The following EHBP1 variants were observed in gnomAD, a reference collection of about 807,000 sequenced individuals.
EHBP1 encodes the protein EH domain-binding protein 1.
EHBP1 carries 55 observed loss-of-function variants against 144.0 expected under a neutral mutation model. The ratio of observed to expected loss-of-function variants is 0.38; its 90% CI spans 0.31 to 0.48. The LOEUF (loss-of-function observed/expected upper bound fraction) is 0.48. EHBP1 is among the 20% of genes least tolerant of loss of function. EHBP1 has a pLI of 0.98. For missense variants in EHBP1, 1,200 were observed against 1,364.2 expected, an observed-to-expected ratio of 0.88 and a Z score of 1.90; for synonymous variants, 469 against 472.7, an observed-to-expected ratio of 0.99 and a Z score of 0.10.
At chr2:62,992,124 A>G (rs926688683) in intron 16 of EHBP1, among the ~76,000 whole-genome samples, 2 of 152,174 alleles carry the variant, frequency 1.3e-5, no homozygotes, top group East Asian at 3.8e-4. Context: ...GTTTCTTAAG[A>G]TGGGATTTGC....
chr2:62,677,040 G>A lies in EHBP1; in HGVS notation c.-296+2957G>A, dbSNP rs768894630. ...TAGCTGGGCATGGTGGCACATTCTCGCAGTCCCAGATACTCGCAGTGGTCG... is the reference window on the plus strand; with the variant it reads ...TAGCTGGGCATGGTGGCACATTCTCACAGTCCCAGATACTCGCAGTGGTCG... On this transcript the variant is annotated intron_variant, in intron 1 of 22. Transcript: ENST00000405015. Among the ~76,000 whole-genome samples the A allele has an allele frequency of 9.9e-5, 15 of 152,190 alleles. 1 individual carries two copies. The highest frequency in any genetic ancestry group is 8.3e-4 in the South Asian group (4 of 4,826).
At chr2:62,824,466 A>G (rs994643810) in intron 5 of EHBP1, among the ~76,000 whole-genome samples, 2 of 151,996 alleles carry the variant, frequency 1.3e-5, no homozygotes, top group African/African-American at 4.8e-5. Flanking sequence ...CATTTTGCTC[A>G]TTGTCAGAAC....
intron 7 of EHBP1, 49 bp from the exon 8 acceptor site, chr2:62,859,120 T>C (rs1558805654): frequency 6.5e-7 from 1 of 1,534,482 alleles, no homozygotes; most frequent in Admixed American, 1.9e-5. Context: ...GAATGTTCAA[T>C]ACTTACACTT....
At chr2:62,796,456 C>A (rs1025172118) in intron 5 of EHBP1, among the ~76,000 whole-genome samples, 46 of 152,160 alleles carry the variant, frequency 3.0e-4, no homozygotes, top group African/African-American at 9.9e-4. Flanking sequence ...TAAGAGCTGA[C>A]TAGTAATGTT....
At chr2:62,890,229 C>A (rs1462698903) in intron 10 of EHBP1, among the ~76,000 whole-genome samples, 1 of 152,052 alleles carries the variant, frequency 6.6e-6, no homozygotes, top group Non-Finnish European at 1.5e-5. Flanking sequence ...AGCCACCACG[C>A]CTAGCCCCAT....
At chr2:62,862,866 G>A (rs181584966) in intron 8 of EHBP1, among the ~76,000 whole-genome samples, 14 of 152,008 alleles carry the variant, frequency 9.2e-5, no homozygotes, top group African/African-American at 3.1e-4. Context: ...GCAAATCTTA[G>A]ACAGTTTTAT....
intron 5 of EHBP1, among the ~76,000 whole-genome samples, chr2:62,825,561 A>G (rs147761341): frequency 3.1e-3 from 476 of 152,070 alleles, no homozygotes; most frequent in Non-Finnish European, 5.8e-3. Flanking sequence ...GGCCTGGGGA[A>G]GAAATAAGAC....
chr2:62,673,914 CGA>C (rs1008004924), exon 1 of EHBP1: 29 of 408,706 alleles, frequency 7.1e-5, no homozygotes, highest in Admixed American at 5.7e-4. Flanking sequence ...GAGACTCCAG[CGA>C]GAGACTGGGG....
intron 4 of EHBP1, 52 bp downstream of exon 4, chr2:62,764,413 A>C (rs775568114): frequency 3.0e-6 from 4 of 1,343,732 alleles, no homozygotes; most frequent in Non-Finnish European, 4.0e-6. Context: ...CAGGGTACCA[A>C]ATGACAGAAT....
At chr2:62,773,850 CA>C (rs570715468) in intron 5 of EHBP1, among the ~76,000 whole-genome samples, 37 of 41,514 alleles carry the variant, frequency 8.9e-4, no homozygotes, top group African/African-American at 1.6e-3. Flanking sequence ...GACTCCATCT[CA>C]AAAAAAAAAA....
intron 9 of EHBP1, among the ~76,000 whole-genome samples, chr2:62,872,591 T>C (rs1373095272): frequency 1.3e-5 from 2 of 152,158 alleles, no homozygotes; most frequent in Non-Finnish European, 2.9e-5. Flanking sequence ...CTTAAAAAAA[T>C]TGATATATGC....
intron 6 of EHBP1, among the ~76,000 whole-genome samples, chr2:62,829,467 T>C (rs1333568641): frequency 6.6e-6 from 1 of 151,898 alleles, no homozygotes; most frequent in Non-Finnish European, 1.5e-5. Flanking sequence ...TGTTTGGTTT[T>C]TCATTCCTGA....
chr2:62,716,129 C>T (rs1377528197), intron 2 of EHBP1, among the ~76,000 whole-genome samples: 1 of 152,002 alleles, frequency 6.6e-6, no homozygotes, highest in Non-Finnish European at 1.5e-5. Flanking sequence ...CCACCCATTT[C>T]TTGCCCCACC....
At chr2:62,904,533 C>T (rs1348158309) in intron 10 of EHBP1, among the ~76,000 whole-genome samples, 5 of 152,054 alleles carry the variant, frequency 3.3e-5, no homozygotes, top group Non-Finnish European at 7.4e-5. Flanking sequence ...ATGTGCTTCA[C>T]CCCCCCGGCC....
At chr2:63,006,685 T>C (rs1351342780) in intron 19 of EHBP1, among the ~76,000 whole-genome samples, 1 of 151,826 alleles carries the variant, frequency 6.6e-6, no homozygotes, top group Non-Finnish European at 1.5e-5. Context: ...GTGTTATTTA[T>C]AATGTTAAAA....
intron 14 of EHBP1, among the ~76,000 whole-genome samples, chr2:62,978,906 T>G (rs889474442): frequency 6.6e-6 from 1 of 152,224 alleles, no homozygotes; most frequent in African/African-American, 2.4e-5. Context: ...ATTCTTTTAT[T>G]AATAATAATT....
chr2:62,865,847 A>C (rs995770591), intron 9 of EHBP1, among the ~76,000 whole-genome samples: 3 of 152,168 alleles, frequency 2.0e-5, no homozygotes, highest in Middle Eastern at 3.2e-3. Flanking sequence ...AATTAAGGAG[A>C]TAGAGTTTGG....
chr2:62,783,158 G>A (rs2042561462), intron 5 of EHBP1, among the ~76,000 whole-genome samples: 1 of 152,166 alleles, frequency 6.6e-6, no homozygotes, highest in Non-Finnish European at 1.5e-5. Flanking sequence ...TCACAGCTAG[G>A]TCACGCTGAT....
At chr2:62,736,857 G>C (rs1345950721) in intron 2 of EHBP1, among the ~76,000 whole-genome samples, 1 of 152,058 alleles carries the variant, frequency 6.6e-6, no homozygotes, top group East Asian at 1.9e-4. Flanking sequence ...TGCTTGCTCT[G>C]TCTCTTCAAA....
Sources: gnomAD v4.1 joint callset for allele counts (sites outside exome capture counted in the v4.1 genomes callset) on GRCh38, gnomAD v4.1.1 for gene constraint, MANE v1.5 for transcripts, NCBI Gene and HGNC (gene_info 2026-07-23, HGNC 2026-07-21) for gene names.